Variants in PARD3B observed in about 807,000 individuals in gnomAD.
PARD3B encodes the protein partitioning defective 3 homolog B.
PARD3B carries 103 observed loss-of-function variants against 130.2 expected under a neutral mutation model. The ratio of observed to expected loss-of-function variants is 0.79; its 90% CI spans 0.67 to 0.93. PARD3B has a LOEUF of 0.93. PARD3B is among the 40% of genes least tolerant of loss of function. PARD3B has a pLI of 0.00. For missense variants in PARD3B, 1,609 were observed against 1,499.2 expected, an observed-to-expected ratio of 1.07 and a Z score of -1.21; for synonymous variants, 583 against 553.2, an observed-to-expected ratio of 1.05 and a Z score of -0.76.
rs141842540 is a variant in PARD3B at position 204,568,766 on chromosome 2, C to A, written c.120+22647C>A. Among the ~76,000 whole-genome samples, 914 of 152,004 alleles carry A rather than the reference C, an allele frequency of 6.0e-3. 8 individuals carry two copies. Among genetic ancestry groups the A allele is most frequent in the African/African-American group, 0.021 (870 of 41,440 alleles). ...GGTCAGGAGTTTGAGACCAACCTGGCCAATATGGTGAAACCCTGTCTCTAC... is the reference window on the plus strand; with the variant it reads ...GGTCAGGAGTTTGAGACCAACCTGGACAATATGGTGAAACCCTGTCTCTAC... On this transcript the variant is annotated intron_variant, in intron 1 of 22. Coordinates refer to ENST00000406610, the MANE Select transcript of PARD3B (RefSeq NM_001302769.2).
rs1437115758 is a variant in PARD3B, at chr2:205,325,883, AAAC to A, written c.2630+24185_2630+24187del. On this transcript the variant is annotated intron_variant, in intron 18 of 22. Coordinates refer to ENST00000406610, the MANE Select transcript of PARD3B (RefSeq NM_001302769.2). This position sits in a 1 kb window ranked among gnomAD's most constrained non-coding sequence, Gnocchi z 4.1. Reference sequence around the variant, plus strand: ...ATTGAAAAACAAATAAAAATAAATAAAACAATTGTGAGAGCAAATAAACACAAA... The same window carrying A: ...ATTGAAAAACAAATAAAAATAAATAAAATTGTGAGAGCAAATAAACACAAA... Among the ~76,000 whole-genome samples, 1 of 152,188 alleles carries A rather than the reference AAAC, an allele frequency of 6.6e-6. No individual in the cohort carries two copies. Among genetic ancestry groups the A allele is most frequent in the Non-Finnish European group, 1.5e-5 (1 of 68,042 alleles).
chr2:204,898,423 A>C (rs2046724583), intron 2 of PARD3B, among the ~76,000 whole-genome samples: 1 of 152,034 alleles, frequency 6.6e-6, no homozygotes, highest in South Asian at 2.1e-4. Context: ...TTTTGTACCT[A>C]TTAACCATCC....
intron 4 of PARD3B, among the ~76,000 whole-genome samples, chr2:205,061,156 T>C (rs1575674296): frequency 6.6e-6 from 1 of 152,066 alleles, no homozygotes; most frequent in African/African-American, 2.4e-5. Flanking sequence ...ATAGAAGATA[T>C]AGGTAGAATA....
intron 5 of PARD3B, 60 bp from the exon 6 acceptor site, chr2:205,113,431 A>G (rs569016099): frequency 6.5e-6 from 7 of 1,076,116 alleles, no homozygotes; most frequent in African/African-American, 6.4e-5. Context: ...TGTATTTTAG[A>G]TGTGCTCCCT....
chr2:205,507,307 G>A (rs962085308), intron 21 of PARD3B, among the ~76,000 whole-genome samples: 9 of 134,546 alleles, frequency 6.7e-5, no homozygotes, highest in African/African-American at 1.1e-4. Context: ...CTCCACCTCC[G>A]GGGTTCACGG....
rs140609043 is a variant in PARD3B, at chr2:205,348,319, T to A, written c.2630+46618T>A. The stretch of plus-strand genomic sequence containing the variant: ...ATTACTGAACAACAATTAGAGATGA[T>A]CTTGACATTCTCCTCTCCGTATTCT... On this transcript the variant is annotated intron_variant, in intron 18 of 22. Coordinates refer to ENST00000406610, the MANE Select transcript of PARD3B (RefSeq NM_001302769.2). 9.8e-5 allele frequency: 15 copies of A among 152,354 alleles called. No homozygotes were observed. In the East Asian group the frequency reaches 2.9e-3, roughly 29 times the overall value. 9.4% of individuals were successfully genotyped at this position (152,354 alleles called of 1,614,324 possible).
Position 205,064,207 on chromosome 2 carries a change from AT to A in PARD3B, c.504+16524del, listed in dbSNP as rs1016463618. ...AAACAAGGGACTTTTTTATTTTTTT[AT>A]TTTTTTGAAGAATGGCACATGTAAT... On this transcript the variant is annotated intron_variant, in intron 4 of 22. Transcript: ENST00000406610. Among the ~76,000 whole-genome samples, 3 of 152,156 alleles carry A rather than the reference AT, an allele frequency of 2.0e-5. 1 individual carries two copies. Among genetic ancestry groups the A allele is most frequent in the African/African-American group, 7.2e-5 (3 of 41,542 alleles).
At chr2:204,699,859 T>A (rs1249373063) in intron 2 of PARD3B, among the ~76,000 whole-genome samples, 2 of 152,116 alleles carry the variant, frequency 1.3e-5, no homozygotes, top group African/African-American at 4.8e-5. Context: ...CAGAGACCAA[T>A]CTGAGATGAA....
chr2:205,033,978 C>A (rs1697613084), intron 3 of PARD3B, among the ~76,000 whole-genome samples: 1 of 152,076 alleles, frequency 6.6e-6, no homozygotes, highest in Non-Finnish European at 1.5e-5. Context: ...CATTAAGTTG[C>A]AAGGCTGATA....
chr2:204,724,295 T>C (rs1446503341), intron 2 of PARD3B, among the ~76,000 whole-genome samples: 1 of 152,196 alleles, frequency 6.6e-6, no homozygotes, highest in Non-Finnish European at 1.5e-5. Flanking sequence ...TTTGCCTTTT[T>C]CTTAGAAGAT....
rs115687435 is a variant in PARD3B at position 205,522,889 on chromosome 2, A to C, written c.3180+22858A>C. Reference sequence around the variant, plus strand: ...TCTTACTATTGAGAAAATATGGTAAAACAATCTTATTAATTATATTGTTTT... The same window carrying C: ...TCTTACTATTGAGAAAATATGGTAACACAATCTTATTAATTATATTGTTTT... On this transcript the variant is annotated intron_variant, in intron 21 of 22. Coordinates refer to ENST00000406610, the MANE Select transcript of PARD3B (RefSeq NM_001302769.2). Among the ~76,000 whole-genome samples, 566 of 152,172 alleles carry C rather than the reference A, an allele frequency of 3.7e-3. 3 individuals are homozygous for C. The highest frequency in any genetic ancestry group is 0.013 in the African/African-American group (525 of 41,562).
intron 2 of PARD3B, among the ~76,000 whole-genome samples, chr2:204,695,785 G>A (rs1004142972): frequency 6.6e-6 from 1 of 152,016 alleles, no homozygotes; most frequent in Non-Finnish European, 1.5e-5. Flanking sequence ...ATGTCAGAGA[G>A]GTTTGGAAGG....
Position 205,390,754 on chromosome 2 carries a change from C to T in PARD3B, c.2631-10259C>T, listed in dbSNP as rs565906331. On this transcript the variant is annotated intron_variant, in intron 18 of 22. Transcript: ENST00000406610. ...AAAAAAATCATTTCTTCATATTGTC[C>T]GTTTGTTCTCCATGCATAACAAGGC... 4.3e-4 allele frequency among the ~76,000 whole-genome samples: 66 copies of T among 152,180 alleles called. No homozygotes were observed. In the South Asian group the frequency reaches 0.012, roughly 27 times the overall value.
chr2:205,275,397 G>A (rs889693828), intron 16 of PARD3B, among the ~76,000 whole-genome samples: 4 of 152,066 alleles, frequency 2.6e-5, no homozygotes, highest in East Asian at 1.9e-4. Flanking sequence ...TAAGAGATTC[G>A]GCTATAAAAA....
At chr2:205,150,892 G>T (rs1028778957) in intron 10 of PARD3B, among the ~76,000 whole-genome samples, 1 of 152,104 alleles carries the variant, frequency 6.6e-6, no homozygotes, top group Non-Finnish European at 1.5e-5. Context: ...CACAATCTCA[G>T]TTAGGAGGAA....
Position 205,550,976 on chromosome 2 carries a change from T to C in PARD3B, c.3181-2348T>C, listed in dbSNP as rs1357346833. ...ATGTGTATATATATATATATATATA[T>C]ACACACACACACACACACACACACA... On this transcript the variant is annotated intron_variant, in intron 21 of 22. Transcript: ENST00000406610. This position sits in a 1 kb window ranked among gnomAD's most constrained non-coding sequence, Gnocchi z 4.5. Among the ~76,000 whole-genome samples the C allele has an allele frequency of 4.9e-4, 62 of 125,600 alleles. No individual in the cohort carries two copies. Among genetic ancestry groups the C allele is most frequent in the African/African-American group, 1.8e-3 (57 of 32,298 alleles). 82.4% of individuals were successfully genotyped at this position (125,600 alleles called of 152,430 possible).
At chr2:204,915,516 A>G (rs1321770191) in intron 2 of PARD3B, among the ~76,000 whole-genome samples, 2 of 152,192 alleles carry the variant, frequency 1.3e-5, no homozygotes, top group African/African-American at 4.8e-5. Flanking sequence ...ATGTATATAT[A>G]CTAAAATATA....
chr2:204,553,671 T>TCC (rs1559152432), intron 1 of PARD3B, among the ~76,000 whole-genome samples: 1 of 114,034 alleles, frequency 8.8e-6, no homozygotes, highest in East Asian at 2.6e-4. Context: ...TATATATATA[T>TCC]ATATATATAT....
chr2:205,161,526 A>G (rs116804302), intron 11 of PARD3B, among the ~76,000 whole-genome samples: 3,778 of 152,300 alleles, frequency 0.025, 156 homozygotes, highest in African/African-American at 0.086. Flanking sequence ...GGGAAAAAAA[A>G]GTATTTTTCC....
Sources: gnomAD v4.1 joint callset for allele counts (sites outside exome capture counted in the v4.1 genomes callset) on GRCh38, gnomAD v4.1.1 for gene constraint, Gnocchi (gnomAD v3.1) non-coding constraint, MANE v1.5 for transcripts, NCBI Gene and HGNC (gene_info 2026-07-23, HGNC 2026-07-21) for gene names.